ARHGAP10: variants seen among roughly 807,000 people sequenced by gnomAD.
ARHGAP10 encodes Rho GTPase activating protein 10, also known as rho GTPase-activating protein 10.
In ARHGAP10, 87 loss-of-function variants were observed where a neutral mutation model predicts 108.6. That is an observed-to-expected ratio of 0.80 (90% CI 0.67 to 0.96). The LOEUF (loss-of-function observed/expected upper bound fraction) is 0.96, where lower values mean the gene tolerates loss of function less well. Ranked by LOEUF, ARHGAP10 falls within the 40% of genes least tolerant of loss-of-function variation. The pLI, the probability that ARHGAP10 is intolerant of heterozygous loss-of-function variation, is 0.00. For missense variants in ARHGAP10, 939 were observed against 954.5 expected, an observed-to-expected ratio of 0.98 and a Z score of 0.21; for synonymous variants, 347 against 341.1, an observed-to-expected ratio of 1.02 and a Z score of -0.19.
intron 21 of ARHGAP10, among the ~76,000 whole-genome samples, chr4:148,063,541 G>T (rs889492268): frequency 6.6e-6 from 1 of 152,230 alleles, no homozygotes; most frequent in Non-Finnish European, 1.5e-5. Flanking sequence ...CTCTGTCTTT[G>T]TGGTGCTGGT....
intron 1 of ARHGAP10, among the ~76,000 whole-genome samples, chr4:147,816,003 A>G (rs1732227420): frequency 6.6e-6 from 1 of 152,204 alleles, no homozygotes; most frequent in African/African-American, 2.4e-5. Context: ...AGAAATGAAT[A>G]CGTAAGTGTC....
chr4:147,845,698 T>G (rs1579109854), intron 3 of ARHGAP10, among the ~76,000 whole-genome samples: 1 of 152,226 alleles, frequency 6.6e-6, no homozygotes, highest in African/African-American at 2.4e-5. Context: ...GAGGTTTATT[T>G]GGGATCACTA....
At chr4:147,783,905 A>G (rs962712450) in intron 1 of ARHGAP10, among the ~76,000 whole-genome samples, 4 of 114,026 alleles carry the variant, frequency 3.5e-5, no homozygotes, top group Non-Finnish European at 5.0e-5. Context: ...TTATATTTAT[A>G]TAACACACAT....
At chr4:147,889,407 C>A (rs1735699810) in intron 10 of ARHGAP10, among the ~76,000 whole-genome samples, 1 of 152,154 alleles carries the variant, frequency 6.6e-6, no homozygotes, top group South Asian at 2.1e-4. Flanking sequence ...TTGAGTGATT[C>A]TTCTGCCTCA....
intron 7 of ARHGAP10, among the ~76,000 whole-genome samples, chr4:147,868,391 C>T (rs7698670): frequency 0.78 from 119,192 of 151,854 alleles, 49,143 homozygotes; most frequent in Non-Finnish European, 0.92. Context: ...TGCATGCCAG[C>T]ACACCCAGCT....
At chr4:147,740,476 G>A (rs916599274) in intron 1 of ARHGAP10, among the ~76,000 whole-genome samples, 1 of 152,160 alleles carries the variant, frequency 6.6e-6, no homozygotes, top group East Asian at 1.9e-4. Flanking sequence ...TCTAGAGTGT[G>A]TGTACATTTG....
At chr4:147,744,290 G>A (rs1728812570) in intron 1 of ARHGAP10, among the ~76,000 whole-genome samples, 1 of 151,944 alleles carries the variant, frequency 6.6e-6, no homozygotes, top group Non-Finnish European at 1.5e-5. Context: ...AAATGCATCT[G>A]AGAGGTCAGA....
intron 10 of ARHGAP10, among the ~76,000 whole-genome samples, chr4:147,902,701 A>G (rs1219362868): frequency 6.6e-6 from 1 of 152,178 alleles, no homozygotes; most frequent in East Asian, 1.9e-4. Context: ...AGACTGCACC[A>G]CTGCACTCCA....
intron 18 of ARHGAP10, among the ~76,000 whole-genome samples, chr4:147,995,084 A>T (rs1740421191): frequency 6.6e-6 from 1 of 152,314 alleles, no homozygotes; most frequent in South Asian, 2.1e-4. Context: ...TTTTATCCAC[A>T]TTCTATGTAA....
At chr4:147,805,250 G>T (rs531150715) in intron 1 of ARHGAP10, among the ~76,000 whole-genome samples, 1 of 152,272 alleles carries the variant, frequency 6.6e-6, no homozygotes, top group East Asian at 1.9e-4. Context: ...CCCATTGTTT[G>T]TTTTTGTTGA....
At chr4:147,884,883 A>T (rs1735479902) in intron 10 of ARHGAP10, among the ~76,000 whole-genome samples, 1 of 152,238 alleles carries the variant, frequency 6.6e-6, no homozygotes, top group Non-Finnish European at 1.5e-5. Context: ...TAAGCAGGGC[A>T]GTGAGTGACA....
At chr4:147,841,624 G>C (rs922216096) in intron 3 of ARHGAP10, among the ~76,000 whole-genome samples, 2 of 152,118 alleles carry the variant, frequency 1.3e-5, no homozygotes, top group Non-Finnish European at 2.9e-5. Flanking sequence ...GAGAGATTCC[G>C]TGGAGCTTCC....
chr4:148,008,466 C>T (rs187126970), intron 18 of ARHGAP10, among the ~76,000 whole-genome samples: 224 of 150,952 alleles, frequency 1.5e-3, no homozygotes, highest in Non-Finnish European at 2.6e-3. Flanking sequence ...TTTGGTGATC[C>T]CCACTGGGGG....
At chr4:147,867,682 G>A (rs916054313) in intron 7 of ARHGAP10, among the ~76,000 whole-genome samples, 2 of 152,044 alleles carry the variant, frequency 1.3e-5, no homozygotes, top group African/African-American at 4.8e-5. Context: ...TGGCCAACAT[G>A]GTGAAACCCT....
chr4:148,043,754 GTATATATATGTGTATATATATGTA>G (rs1560889658), intron 19 of ARHGAP10, among the ~76,000 whole-genome samples: 1 of 131,840 alleles, frequency 7.6e-6, no homozygotes, highest in South Asian at 2.3e-4. Context: ...ATGTATATAT[GTATATATATGTGTATATATATGTA>G]TATATATATG....
intron 4 of ARHGAP10, among the ~76,000 whole-genome samples, chr4:147,850,495 A>G (rs970615560): frequency 1.9e-4 from 29 of 152,158 alleles, no homozygotes; most frequent in African/African-American, 7.0e-4. Context: ...AGCGGGAGGA[A>G]CAGACAACTC....
At chr4:147,784,556 T>C (rs1730731549) in intron 1 of ARHGAP10, among the ~76,000 whole-genome samples, 1 of 116,968 alleles carries the variant, frequency 8.5e-6, no homozygotes. Flanking sequence ...GTATATATTA[T>C]ATATATTATG....
intron 1 of ARHGAP10, among the ~76,000 whole-genome samples, chr4:147,752,941 T>C (rs2126694668): frequency 6.6e-6 from 1 of 152,368 alleles, no homozygotes; most frequent in South Asian, 2.1e-4. Flanking sequence ...TTTTTAGAAG[T>C]ATTTTTATTC....
chr4:147,986,153 G>A (rs1304142453), intron 18 of ARHGAP10, among the ~76,000 whole-genome samples: 1 of 152,164 alleles, frequency 6.6e-6, no homozygotes, highest in Non-Finnish European at 1.5e-5. Flanking sequence ...TTAAGTGACC[G>A]GTTTAACCTC....
Sources: gnomAD v4.1 joint callset for allele counts (sites outside exome capture counted in the v4.1 genomes callset) on GRCh38, gnomAD v4.1.1 for gene constraint, MANE v1.5 for transcripts, NCBI Gene and HGNC (gene_info 2026-07-23, HGNC 2026-07-21) for gene names.